TSPAN15: variants seen among roughly 807,000 people sequenced by gnomAD.
TSPAN15 encodes tetraspanin-15.
A neutral mutation model predicts 34.5 loss-of-function variants in TSPAN15; 20 were observed. That is an observed-to-expected ratio of 0.58 (90% CI 0.41 to 0.84). The LOEUF is 0.84. TSPAN15 is among the 40% of genes least tolerant of loss of function. The pLI, the probability that TSPAN15 is intolerant of heterozygous loss-of-function variation, is 0.00. For missense variants in TSPAN15, 313 were observed against 386.1 expected (o/e 0.81, Z 1.59); for synonymous variants, 155 against 153.9 (o/e 1.01, Z -0.05).
chr10:69,530,224 C>G, the TSPAN15 span, among the ~76,000 whole-genome samples: 1 of 147,554 alleles, frequency 6.8e-6, no homozygotes, highest in Non-Finnish European at 1.5e-5. Flanking sequence ...TGCTTCTGCC[C>G]TGTTCCATTA....
chr10:69,502,028 C>A (rs1842220851), intron 5 of TSPAN15, among the ~76,000 whole-genome samples: 2 of 148,270 alleles, frequency 1.3e-5, no homozygotes, highest in Admixed American at 1.3e-4. Flanking sequence ...AAACCAGTCT[C>A]TGGTGCCAGA....
chr10:69,488,954 A>T (rs1160157085), intron 3 of TSPAN15, among the ~76,000 whole-genome samples: 1 of 152,154 alleles, frequency 6.6e-6, no homozygotes, highest in East Asian at 1.9e-4. Context: ...AACAACAGAA[A>T]ACAGGGTTCG....
intron 5 of TSPAN15, among the ~76,000 whole-genome samples, chr10:69,500,753 G>A (rs1425228068): frequency 6.6e-6 from 1 of 152,184 alleles, no homozygotes; most frequent in African/African-American, 2.4e-5. Context: ...GCCTCATGCA[G>A]AAACACCCCC....
the TSPAN15 span, among the ~76,000 whole-genome samples, chr10:69,527,749 CTA>C: frequency 1.4e-5 from 2 of 147,358 alleles, 1 homozygote; most frequent in Admixed American, 1.4e-4. Context: ...GACCACAGAA[CTA>C]TGTGTTTAGA....
the TSPAN15 span, among the ~76,000 whole-genome samples, chr10:69,536,036 T>C: frequency 6.6e-6 from 1 of 152,022 alleles, no homozygotes; most frequent in Admixed American, 6.5e-5. Context: ...AGGCCGGAGG[T>C]CGCTTAGTTC....
the TSPAN15 span, among the ~76,000 whole-genome samples, chr10:69,528,725 G>A: frequency 2.0e-5 from 3 of 148,362 alleles, 1 homozygote; most frequent in East Asian, 5.0e-4. Context: ...CGCAGCCAGG[G>A]TATCCTGATG....
intron 1 of TSPAN15, among the ~76,000 whole-genome samples, chr10:69,457,923 T>C (rs1349203213): frequency 2.6e-5 from 4 of 152,196 alleles, no homozygotes; most frequent in Non-Finnish European, 5.9e-5. Context: ...GCCTTGCTGC[T>C]CAAGAGCCAT....
intron 1 of TSPAN15, among the ~76,000 whole-genome samples, chr10:69,472,392 C>T (rs907832974): frequency 6.6e-6 from 1 of 152,226 alleles, no homozygotes; most frequent in Non-Finnish European, 1.5e-5. Flanking sequence ...AGTGTCTCCT[C>T]TCTGGCGCCT....
intron 3 of TSPAN15, among the ~76,000 whole-genome samples, chr10:69,488,799 GA>G (rs1841909890): frequency 6.6e-6 from 1 of 152,256 alleles, no homozygotes; most frequent in South Asian, 2.1e-4. Flanking sequence ...GCTTCTAAGG[GA>G]AAAATCAGAA....
chr10:69,471,792 T>A (rs1841513992), intron 1 of TSPAN15, among the ~76,000 whole-genome samples: 1 of 152,120 alleles, frequency 6.6e-6, no homozygotes, highest in Admixed American at 6.6e-5. Context: ...GAGGGCTCCC[T>A]GTGTTGCCCA....
At chr10:69,498,575 G>A (rs1842139008) in intron 5 of TSPAN15, among the ~76,000 whole-genome samples, 179 bp downstream of exon 5, 1 of 152,210 alleles carries the variant, frequency 6.6e-6, no homozygotes, top group African/African-American at 2.4e-5. Flanking sequence ...TGGAGCTTCT[G>A]GGGGTCGGGG....
rs944287358 is a variant in TSPAN15, at chr10:69,506,052, T to C, written c.619-72T>C. Reference sequence around the variant, plus strand: ...GGGACTAGCCTGGACCTTGTGTACATGGCAGAGTCGGGGCTGTGGCTCCTG... The same window carrying C: ...GGGACTAGCCTGGACCTTGTGTACACGGCAGAGTCGGGGCTGTGGCTCCTG... On this transcript the variant is annotated intron_variant, in intron 6 of 7. Coordinates refer to ENST00000373290, the MANE Select transcript of TSPAN15 (RefSeq NM_012339.5). This position sits in a 1 kb window ranked among gnomAD's most constrained non-coding sequence, Gnocchi z 4.7. The C allele has an allele frequency of 2.3e-6, 3 of 1,303,922 alleles. No individual in the cohort carries two copies. Among genetic ancestry groups the C allele is most frequent in the South Asian group, 1.3e-5 (1 of 79,848 alleles). 80.8% of individuals were successfully genotyped at this position (1,303,922 alleles called of 1,614,324 possible). A position where few individuals can be genotyped will look rare whatever the true frequency, so the allele number is the denominator to read the frequency against.
intron 1 of TSPAN15, among the ~76,000 whole-genome samples, chr10:69,453,931 C>T (rs538274455): frequency 1.3e-5 from 2 of 152,368 alleles, no homozygotes; most frequent in South Asian, 4.1e-4. Flanking sequence ...AAGAACTCAG[C>T]CACCTGCCAA....
intron 5 of TSPAN15, among the ~76,000 whole-genome samples, chr10:69,500,437 A>G (rs978292165): frequency 1.3e-5 from 2 of 152,196 alleles, no homozygotes; most frequent in Non-Finnish European, 2.9e-5. Context: ...GGATTGATTG[A>G]TGATAAGGAA....
the TSPAN15 span, among the ~76,000 whole-genome samples, chr10:69,543,350 T>C: frequency 2.0e-5 from 3 of 152,218 alleles, no homozygotes; most frequent in African/African-American, 7.2e-5. Flanking sequence ...CACTTCCTCA[T>C]GGTGAAAAGT....
chr10:69,478,590 T>G (rs549801686), intron 1 of TSPAN15, among the ~76,000 whole-genome samples: 5 of 152,302 alleles, frequency 3.3e-5, no homozygotes, highest in Non-Finnish European at 5.9e-5. Flanking sequence ...ATTTGCTTCC[T>G]GTAGACCAGG....
chr10:69,548,889 G>C, the TSPAN15 span, among the ~76,000 whole-genome samples: 7 of 151,932 alleles, frequency 4.6e-5, no homozygotes, highest in African/African-American at 7.2e-5. Flanking sequence ...TTATATATTT[G>C]ATGAAAGATT....
At chr10:69,488,493 C>G (rs2394564) in intron 3 of TSPAN15, among the ~76,000 whole-genome samples, 6,027 of 152,208 alleles carry the variant, frequency 0.04, 372 homozygotes, top group African/African-American at 0.13. Flanking sequence ...TATGAAAAGT[C>G]AGAACAAGTC....
At chr10:69,540,475 T>G in the TSPAN15 span, among the ~76,000 whole-genome samples, 3,962 of 152,140 alleles carry the variant, frequency 0.026, 164 homozygotes, top group African/African-American at 0.091. Flanking sequence ...CAAGGGGGCA[T>G]GAATGTGAGG....
Sources: gnomAD v4.1 joint callset for allele counts (sites outside exome capture counted in the v4.1 genomes callset) on GRCh38, gnomAD v4.1.1 for gene constraint, Gnocchi (gnomAD v3.1) non-coding constraint, MANE v1.5 for transcripts, NCBI Gene and HGNC (gene_info 2026-07-23, HGNC 2026-07-21) for gene names.